The following CPS1 variants were observed in gnomAD, a reference collection of about 807,000 sequenced individuals.
The protein encoded by CPS1 is carbamoyl-phosphate synthase 1, also known as carbamoyl-phosphate synthase [ammonia], mitochondrial.
CPS1 carries 109 observed loss-of-function variants against 174.6 expected under a neutral mutation model. The ratio of observed to expected loss-of-function variants is 0.62; its 90% CI spans 0.53 to 0.73. The LOEUF (loss-of-function observed/expected upper bound fraction) is 0.73. Among genes scored for constraint, CPS1 ranks in the 30% least tolerant of loss-of-function variants. The pLI, the probability that CPS1 is intolerant of heterozygous loss-of-function variation, is 0.00. For missense variants in CPS1, 1,689 were observed against 1,821.9 expected (o/e 0.93, Z 1.33); for synonymous variants, 637 against 632.0 (o/e 1.01, Z -0.12).
At chr2:210,590,982 A>G (rs911671535) in intron 9 of CPS1, 76 bp downstream of exon 9, 1 of 1,015,060 alleles carries the variant, frequency 9.9e-7, no homozygotes, top group African/African-American at 1.6e-5. Flanking sequence ...CAGAGCACTT[A>G]CCTGCCATTT....
intron 31 of CPS1, among the ~76,000 whole-genome samples, chr2:210,659,152 T>C (rs919465777): frequency 2.0e-5 from 3 of 152,190 alleles, no homozygotes; most frequent in Non-Finnish European, 2.9e-5. Flanking sequence ...TTAGTCTGTT[T>C]TGTGTTGCTA....
chr2:210,675,657 T>C, intron 35 of CPS1, 71 bp from the exon 36 acceptor site: 1 of 807,760 alleles, frequency 1.2e-6, no homozygotes, highest in Admixed American at 1.8e-5. Flanking sequence ...TCTTTATGTT[T>C]TAAATTACAT....
At chr2:210,600,208 A>G (rs1426099977) in intron 14 of CPS1, among the ~76,000 whole-genome samples, 1 of 151,818 alleles carries the variant, frequency 6.6e-6, no homozygotes, top group Non-Finnish European at 1.5e-5. Flanking sequence ...AGGTACTCAT[A>G]TATTTGGGAT....
chr2:210,532,067 G>C (rs1696127820), intron 1 of CPS1, among the ~76,000 whole-genome samples: 1 of 152,006 alleles, frequency 6.6e-6, no homozygotes, highest in African/African-American at 2.4e-5. Flanking sequence ...TTTAAAGTTA[G>C]GTCTCTGATT....
intron 1 of CPS1, among the ~76,000 whole-genome samples, chr2:210,485,873 C>T (rs1041305438): frequency 2.0e-5 from 3 of 151,998 alleles, no homozygotes; most frequent in Non-Finnish European, 2.9e-5. Flanking sequence ...TACCATTTCA[C>T]ATTCCCACCA....
chr2:210,556,381 G>T (rs75313076), upstream of CPS1: 2,412 of 479,756 alleles, frequency 5.0e-3, 41 homozygotes, highest in African/African-American at 0.042. Flanking sequence ...TGTCCATGAT[G>T]TCTAGGTCAT....
intron 19 of CPS1, among the ~76,000 whole-genome samples, chr2:210,611,382 A>G (rs1167811418): frequency 1.3e-5 from 2 of 152,004 alleles, no homozygotes; most frequent in Admixed American, 1.3e-4. Flanking sequence ...CTATTATTCT[A>G]TGAAAAGATT....
intron 20 of CPS1, among the ~76,000 whole-genome samples, chr2:210,613,461 A>G (rs967654946): frequency 6.6e-6 from 1 of 151,896 alleles, no homozygotes; most frequent in African/African-American, 2.4e-5. Context: ...CGGGTGGGAT[A>G]GCAGTGATAA....
intron 1 of CPS1, among the ~76,000 whole-genome samples, chr2:210,570,734 AT>A (rs1265448735): frequency 7.0e-6 from 1 of 142,960 alleles, no homozygotes; most frequent in East Asian, 2.0e-4. Context: ...TTTACACACG[AT>A]TTCCTCAAGA....
intron 21 of CPS1, among the ~76,000 whole-genome samples, chr2:210,616,841 TTTAA>T (rs781239498): frequency 1.6e-4 from 24 of 152,128 alleles, no homozygotes; most frequent in Non-Finnish European, 2.5e-4. Context: ...ACGTGTATTA[TTTAA>T]TTATGAAGTA....
chr2:210,529,149 G>A (rs1696050884), intron 1 of CPS1, among the ~76,000 whole-genome samples: 1 of 151,858 alleles, frequency 6.6e-6, no homozygotes, highest in Admixed American at 6.6e-5. Context: ...TCTCTCTGGA[G>A]CTAATTTTGT....
At chr2:210,662,675 A>C (rs1280653987) in intron 32 of CPS1, among the ~76,000 whole-genome samples, 1 of 152,384 alleles carries the variant, frequency 6.6e-6, no homozygotes, top group South Asian at 2.1e-4. Context: ...TGGCTTACAG[A>C]CAGCCATTTC....
intron 15 of CPS1, among the ~76,000 whole-genome samples, chr2:210,601,540 A>G (rs1197457732): frequency 6.6e-6 from 1 of 152,002 alleles, no homozygotes. Context: ...AGCTCTTGCC[A>G]TACATTTGTT....
At position 210,562,773 on chromosome 2, in the gene CPS1, C is replaced by T. The variant is rs191165658; in HGVS notation, c.126+5914C>T. ...CTTTTTCTGAAGTGCAAATAGTTTA[C>T]GTAGATAAATGATTCAACAGCAATA... On this transcript the variant is annotated intron_variant, in intron 1 of 37. Coordinates refer to ENST00000233072, the MANE Select transcript of CPS1 (RefSeq NM_001875.5). Among the ~76,000 whole-genome samples the T allele has an allele frequency of 3.6e-4, 55 of 151,654 alleles. 1 individual carries two copies. Among genetic ancestry groups the T allele is most frequent in the African/African-American group, 7.2e-5 (3 of 41,406 alleles).
intron 1 of CPS1, among the ~76,000 whole-genome samples, chr2:210,482,670 GAGAGAA>G (rs1244114892): frequency 9.9e-5 from 8 of 80,846 alleles, no homozygotes; most frequent in African/African-American, 4.0e-4. Flanking sequence ...GAGAGAGAGA[GAGAGAA>G]AGAGAGAGAG....
intron 1 of CPS1, among the ~76,000 whole-genome samples, chr2:210,498,084 T>C (rs1291424037): frequency 6.6e-6 from 1 of 151,640 alleles, no homozygotes; most frequent in East Asian, 1.9e-4. Context: ...ATCGGTTGTT[T>C]TTTGACTTTT....
Position 210,588,355 on chromosome 2 carries a change from A to T in CPS1, c.711+208A>T, listed in dbSNP as rs1483668021. ...GCTATGTTTTTTCTTTAAAAAAAAA[A>T]CCTCAAGGGCCACTAAAACATGGAA... On this transcript the variant is annotated intron_variant, in intron 7 of 37. Coordinates refer to ENST00000233072, the MANE Select transcript of CPS1 (RefSeq NM_001875.5). 3.3e-5 allele frequency among the ~76,000 whole-genome samples: 5 copies of T among 151,982 alleles called. No homozygotes were observed. In the South Asian group the frequency reaches 8.3e-4, roughly 25 times the overall value.
intron 1 of CPS1, among the ~76,000 whole-genome samples, chr2:210,512,412 G>A (rs1164754677): frequency 6.6e-6 from 1 of 151,822 alleles, no homozygotes; most frequent in African/African-American, 2.4e-5. Context: ...ATGTTCATGA[G>A]TACCCAATGT....
intron 1 of CPS1, among the ~76,000 whole-genome samples, chr2:210,518,135 A>G (rs762058369): frequency 2.0e-5 from 3 of 151,974 alleles, no homozygotes; most frequent in Non-Finnish European, 2.9e-5. Context: ...GTGTCTTTCC[A>G]GAGATTTGTC....
Sources: allele counts gnomAD v4.1 joint callset (sites outside exome capture counted in the v4.1 genomes callset), GRCh38; gene constraint gnomAD v4.1.1; transcripts MANE v1.5; gene names NCBI Gene and HGNC (gene_info 2026-07-23, HGNC 2026-07-21).